The following COG5 variants were observed in gnomAD, a reference collection of about 807,000 sequenced individuals.
COG5 encodes the protein conserved oligomeric Golgi complex subunit 5.
Under a neutral mutation model 110.4 loss-of-function variants are expected in COG5, and 86 were observed. The ratio of observed to expected loss-of-function variants is 0.78; its 90% CI spans 0.65 to 0.93. COG5 has a LOEUF of 0.93. COG5 is among the 40% of genes least tolerant of loss of function. COG5 has a pLI of 0.00. For synonymous variants in COG5, 360 were observed against 334.6 expected (o/e 1.08, Z -0.83); for missense variants, 1,077 against 987.0 (o/e 1.09, Z -1.22).
At chr7:107,522,303 T>C (rs528232634) in intron 6 of COG5, among the ~76,000 whole-genome samples, 5 of 152,268 alleles carry the variant, frequency 3.3e-5, no homozygotes, top group East Asian at 1.9e-4. Context: ...GCCCTGTCTC[T>C]ACTAAAAATA....
intron 6 of COG5, among the ~76,000 whole-genome samples, chr7:107,508,205 TA>T (rs572834566): frequency 6.6e-6 from 1 of 152,168 alleles, no homozygotes; most frequent in Non-Finnish European, 1.5e-5. Flanking sequence ...CCAATGGGCT[TA>T]AAAAAACGGC....
chr7:107,337,492 T>C (rs1024495342), intron 10 of COG5, among the ~76,000 whole-genome samples: 2 of 152,176 alleles, frequency 1.3e-5, no homozygotes, highest in Non-Finnish European at 2.9e-5. Context: ...TCTGCAGCAA[T>C]GCTGATGGAA....
rs376657984 is a variant in COG5 at position 107,558,158 on chromosome 7, T to A, written c.95-43A>T. On this transcript the variant is annotated intron_variant, in intron 1 of 21. Transcript: ENST00000297135. ...TAAGGAAAAGTCCTTAATTACCCTGTACTAAACCAGTTATTAAACAACAGA... is the reference window on the plus strand; with the variant it reads ...TAAGGAAAAGTCCTTAATTACCCTGAACTAAACCAGTTATTAAACAACAGA... The A allele has an allele frequency of 7.5e-6, 12 of 1,591,180 alleles. No homozygotes were observed. The African/African-American group carries it at 1.5e-4, about 20-fold the overall frequency.
intron 19 of COG5, among the ~76,000 whole-genome samples, chr7:107,223,461 C>T (rs532082772): frequency 6.6e-6 from 1 of 152,154 alleles, no homozygotes; most frequent in South Asian, 2.1e-4. Flanking sequence ...TACCAGCAGA[C>T]CAGGTAGGAA....
At chr7:107,370,314 T>C (rs527243679) in intron 8 of COG5, among the ~76,000 whole-genome samples, 2 of 152,208 alleles carry the variant, frequency 1.3e-5, no homozygotes, top group Non-Finnish European at 2.9e-5. Context: ...TATAAAAAAA[T>C]TGTAAGTATT....
At chr7:107,307,615 A>C (rs963099810) in intron 11 of COG5, among the ~76,000 whole-genome samples, 1 of 152,184 alleles carries the variant, frequency 6.6e-6, no homozygotes, top group Non-Finnish European at 1.5e-5. Context: ...TATTTTCTTT[A>C]TATAGCCACA....
In COG5 at chr7:107,474,433, G is replaced by T; in HGVS notation, c.538+52804C>A. 1.9e-6 allele frequency: 3 copies of T among 1,613,190 alleles called. No homozygotes were observed. Among genetic ancestry groups the T allele is most frequent in the Admixed American group, 1.7e-5 (1 of 59,906 alleles). On this transcript the variant is annotated intron_variant, in intron 6 of 21. Transcript: ENST00000297135. The surrounding 1 kb of genome is among the most constrained non-coding windows in gnomAD (Gnocchi z 5.7). ...TTTCCATGAGGCTTGTGTATCTTTT[G>T]CAAGTGTCTCAACAGCAATCAACGT...
Position 107,476,183 on chromosome 7 carries a change from T to TAAAAAAAAAA in COG5, c.538+51053_538+51054insTTTTTTTTTT, listed in dbSNP as rs1563056700. 1.7e-3 allele frequency among the ~76,000 whole-genome samples: 145 copies of TAAAAAAAAAA among 86,300 alleles called. 1 individual carries two copies. The highest frequency in any genetic ancestry group is 2.4e-3 in the Non-Finnish European group (110 of 45,852). 56.6% of individuals were successfully genotyped at this position (86,300 alleles called of 152,430 possible). ...TCTGGATTAATATAGTGCAATGATT[T>TAAAAAAAAAA]TAAAAAAAAAAAAAAAAAAAAAAAG... On this transcript the variant is annotated intron_variant, in intron 6 of 21. Coordinates refer to ENST00000297135, the MANE Select transcript of COG5 (RefSeq NM_006348.5).
In COG5 at chr7:107,548,103, G is replaced by A. The variant is rs746030381; in HGVS notation, c.417+8C>T. 1 of 1,607,736 alleles carries A rather than the reference G, an allele frequency of 6.2e-7. No homozygotes were observed. The highest frequency in any genetic ancestry group is 2.2e-5 in the East Asian group (1 of 44,808). On this transcript the variant is annotated splice_region_variant and intron_variant, in intron 5 of 21. Coordinates refer to ENST00000297135, the MANE Select transcript of COG5 (RefSeq NM_006348.5). ...ATAAAGTATAAAGAAATAAAAGTAAGAAACTACCTGAAGTCTTGCTAGTTG... is the reference window on the plus strand; with the variant it reads ...ATAAAGTATAAAGAAATAAAAGTAAAAAACTACCTGAAGTCTTGCTAGTTG...
intron 10 of COG5, among the ~76,000 whole-genome samples, chr7:107,326,733 C>T (rs1232548008): frequency 6.6e-6 from 1 of 152,130 alleles, no homozygotes; most frequent in African/African-American, 2.4e-5. Flanking sequence ...AAATGATCTG[C>T]AGATTCTCAA....
At chr7:107,497,499 CA>C (rs1484429465) in intron 6 of COG5, among the ~76,000 whole-genome samples, 1 of 152,046 alleles carries the variant, frequency 6.6e-6, no homozygotes, top group Non-Finnish European at 1.5e-5. Context: ...TATGTACCAA[CA>C]ACAATCTATA....
intron 16 of COG5, 73 bp from the exon 17 acceptor site, chr7:107,248,572 T>A: frequency 1.0e-6 from 1 of 978,778 alleles, no homozygotes; most frequent in Non-Finnish European, 1.6e-6. Context: ...ATTTGAGATG[T>A]GAGAAACACC....
At chr7:107,228,867 C>T (rs1041663925) in intron 19 of COG5, among the ~76,000 whole-genome samples, 1 of 151,586 alleles carries the variant, frequency 6.6e-6, no homozygotes, top group Non-Finnish European at 1.5e-5. Context: ...TCTTATATTT[C>T]TTATATTCCA....
intron 17 of COG5, among the ~76,000 whole-genome samples, chr7:107,243,823 C>T (rs960111301): frequency 2.6e-5 from 4 of 152,212 alleles, no homozygotes; most frequent in African/African-American, 4.8e-5. Context: ...AACACACTCT[C>T]AGACCACAAT....
chr7:107,249,082 C>T (rs1802280459), intron 16 of COG5, among the ~76,000 whole-genome samples: 1 of 152,052 alleles, frequency 6.6e-6, no homozygotes, highest in African/African-American at 2.4e-5. Flanking sequence ...CTGCTCTTTC[C>T]CCTGCTCCCA....
intron 6 of COG5, among the ~76,000 whole-genome samples, chr7:107,479,424 C>T (rs1332632848): frequency 6.6e-6 from 1 of 151,996 alleles, no homozygotes; most frequent in Non-Finnish European, 1.5e-5. Flanking sequence ...TGATGAGACA[C>T]AGAAGATAGG....
At chr7:107,383,025 G>T (rs1022644721) in intron 7 of COG5, among the ~76,000 whole-genome samples, 2 of 152,136 alleles carry the variant, frequency 1.3e-5, no homozygotes, top group Non-Finnish European at 2.9e-5. Context: ...CCTGCCAGGT[G>T]ATGGGAATAA....
chr7:107,479,637 G>A (rs73187386), intron 6 of COG5, among the ~76,000 whole-genome samples: 163 of 152,116 alleles, frequency 1.1e-3, no homozygotes, highest in Non-Finnish European at 1.7e-3. Context: ...CAGATTACCC[G>A]CAATACTCAA....
intron 7 of COG5, among the ~76,000 whole-genome samples, chr7:107,383,917 T>TA (rs1442798471): frequency 6.6e-6 from 1 of 152,180 alleles, no homozygotes; most frequent in Non-Finnish European, 1.5e-5. Flanking sequence ...GGCTTAGGGT[T>TA]AAGCTCAGGG....
Sources: allele counts gnomAD v4.1 joint callset (sites outside exome capture counted in the v4.1 genomes callset), GRCh38; gene constraint gnomAD v4.1.1; non-coding constraint Gnocchi (gnomAD v3.1); transcripts MANE v1.5; gene names NCBI Gene and HGNC (gene_info 2026-07-23, HGNC 2026-07-21).